Variants in FKBP5 observed in about 807,000 individuals in gnomAD.
The protein encoded by FKBP5 is peptidyl-prolyl cis-trans isomerase FKBP5.
A neutral mutation model predicts 50.5 loss-of-function variants in FKBP5; 23 were observed. The observed-to-expected ratio is 0.46, with a 90% CI of 0.33 to 0.65. The LOEUF is 0.65. Among genes scored for constraint, FKBP5 ranks in the 30% least tolerant of loss-of-function variants. FKBP5 has a pLI of 0.02. For synonymous variants in FKBP5, 176 were observed against 190.6 expected, an observed-to-expected ratio of 0.92 and a Z score of 0.63; for missense variants, 411 against 553.1, an observed-to-expected ratio of 0.74 and a Z score of 2.58.
At chr6:35,721,797 A>G (rs1201308817) in intron 1 of FKBP5, among the ~76,000 whole-genome samples, 2 of 152,196 alleles carry the variant, frequency 1.3e-5, no homozygotes, top group Non-Finnish European at 2.9e-5. Flanking sequence ...CCCAGTTGTG[A>G]TTTTGACCAA....
At chr6:35,699,533 G>A (rs1441592932) in intron 2 of FKBP5, among the ~76,000 whole-genome samples, 1 of 152,136 alleles carries the variant, frequency 6.6e-6, no homozygotes, top group Non-Finnish European at 1.5e-5. Context: ...TACACTCACT[G>A]CTCCTTAATT....
rs1000568443 is a variant in FKBP5, at chr6:35,641,944, G to C, written c.105+776C>G. On this transcript the variant is annotated intron_variant, in intron 2 of 10. Transcript: ENST00000357266. ...GGAGGCGGAGGTTGCAGTGAGCTGAGATCATACCACTGCACTCTAGCCCAG... is the reference window on the plus strand; with the variant it reads ...GGAGGCGGAGGTTGCAGTGAGCTGACATCATACCACTGCACTCTAGCCCAG... Among the ~76,000 whole-genome samples, 4 of 151,588 alleles carry C rather than the reference G, an allele frequency of 2.6e-5. No homozygotes were observed. The East Asian group carries it at 7.8e-4, about 29-fold the overall frequency.
intron 2 of FKBP5, among the ~76,000 whole-genome samples, chr6:35,709,076 G>C (rs1255514699): frequency 6.6e-6 from 1 of 152,170 alleles, no homozygotes; most frequent in South Asian, 2.1e-4. Flanking sequence ...ACATACCTGA[G>C]ACTGGGCAAG....
intron 8 of FKBP5, chr6:35,582,219 T>G: frequency 1.0e-6 from 1 of 985,402 alleles, no homozygotes; most frequent in Non-Finnish European, 1.2e-6. Flanking sequence ...CTCAGAAGTG[T>G]GTGATACAGG....
intron 1 of FKBP5, among the ~76,000 whole-genome samples, chr6:35,727,658 A>C (rs1447464160): frequency 2.0e-5 from 3 of 152,170 alleles, no homozygotes; most frequent in Admixed American, 2.0e-4. Flanking sequence ...CCCCCTCAAC[A>C]CGGGCTTCCG....
Position 35,687,804 on chromosome 6 carries a change from T to C in FKBP5, c.-20+1000A>G, listed in dbSNP as rs1377300039. 2.6e-5 allele frequency among the ~76,000 whole-genome samples: 4 copies of C among 152,182 alleles called. 1 individual carries two copies. Among genetic ancestry groups the C allele is most frequent in the African/African-American group, 4.8e-5 (2 of 41,422 alleles). ...ACTGAAGGGTATCTACAATTCTGCA[T>C]CTCCGCTTACAACTTGAAACTTACT... On this transcript the variant is annotated intron_variant, in intron 1 of 10. Transcript: ENST00000357266.
chr6:35,622,500 G>T (rs536091809), intron 3 of FKBP5, among the ~76,000 whole-genome samples: 2 of 150,360 alleles, frequency 1.3e-5, no homozygotes, highest in Non-Finnish European at 2.9e-5. Context: ...GACAGAGCGA[G>T]ACCCTGTCTC....
rs559343602 is a variant in FKBP5 at position 35,579,157 on chromosome 6, C to T, written c.1026+879G>A. Among the ~76,000 whole-genome samples, 135 of 148,354 alleles carry T rather than the reference C, an allele frequency of 9.1e-4. 2 individuals carry two copies. The highest frequency in any genetic ancestry group is 1.5e-3 in the Non-Finnish European group (104 of 67,810). On this transcript the variant is annotated intron_variant, in intron 9 of 10. Coordinates refer to ENST00000357266, the MANE Select transcript of FKBP5 (RefSeq NM_004117.4). The stretch of plus-strand genomic sequence containing the variant: ...CAAACAAAACACACACACGCGCGCG[C>T]GCACACACTCTCTCTCTCTCTCTCT...
chr6:35,655,328 T>C (rs1216482016), intron 1 of FKBP5, among the ~76,000 whole-genome samples: 1 of 152,172 alleles, frequency 6.6e-6, no homozygotes, highest in African/African-American at 2.4e-5. Flanking sequence ...TCTGTCTCCA[T>C]GGAACTTACA....
intron 2 of FKBP5, among the ~76,000 whole-genome samples, chr6:35,639,642 C>A (rs1490985951): frequency 6.6e-6 from 1 of 152,070 alleles, no homozygotes; most frequent in Admixed American, 6.6e-5. Context: ...GGTTGAGAAG[C>A]CTTCTAAAAA....
rs1161747205 is a variant in FKBP5, at chr6:35,574,858, T to C, written c.*977A>G. On this transcript the variant is annotated 3_prime_UTR_variant, in exon 11 of 11. Transcript: ENST00000357266. ...AAAAGCTGCATGGATCCTAAATGAC[T>C]ATGTAAATAGATCCACTCCAGGTCA... 2.6e-5 allele frequency: 4 copies of C among 152,558 alleles called. No individual in the cohort carries two copies. The East Asian group carries it at 7.7e-4, about 29-fold the overall frequency. 9.5% of individuals were successfully genotyped at this position (152,558 alleles called of 1,614,324 possible). A position where few individuals can be genotyped will look rare whatever the true frequency, so the allele number is the denominator to read the frequency against.
At chr6:35,642,634 T>C in intron 2 of FKBP5, 86 bp downstream of exon 2, 1 of 979,826 alleles carries the variant, frequency 1.0e-6, no homozygotes, top group Non-Finnish European at 1.6e-6. Flanking sequence ...ATAAACATTA[T>C]CCACCCCAGC....
At chr6:35,683,456 G>A (rs903231481) in intron 1 of FKBP5, among the ~76,000 whole-genome samples, 4 of 150,924 alleles carry the variant, frequency 2.7e-5, no homozygotes, top group African/African-American at 9.7e-5. Context: ...CATCATGCCT[G>A]GTATATATAT....
At chr6:35,723,659 A>C (rs114304008) in intron 1 of FKBP5, among the ~76,000 whole-genome samples, 4,324 of 152,342 alleles carry the variant, frequency 0.028, 80 homozygotes, top group East Asian at 0.046. Flanking sequence ...AGAAAGAAGA[A>C]GGTCAGAAAG....
chr6:35,587,214 C>T (rs1762628379), intron 7 of FKBP5, 97 bp from the exon 8 acceptor site: 1 of 1,095,794 alleles, frequency 9.1e-7, no homozygotes, highest in African/African-American at 1.5e-5. Flanking sequence ...GAAGATACTC[C>T]AAACTGAAAA....
At chr6:35,705,801 T>C (rs1766303311) in intron 2 of FKBP5, among the ~76,000 whole-genome samples, 1 of 152,022 alleles carries the variant, frequency 6.6e-6, no homozygotes, top group African/African-American at 2.4e-5. Context: ...AAGATGAAAC[T>C]ATAAAGATAA....
At chr6:35,652,879 G>A (rs1413663607) in intron 1 of FKBP5, among the ~76,000 whole-genome samples, 1 of 152,126 alleles carries the variant, frequency 6.6e-6, no homozygotes, top group Non-Finnish European at 1.5e-5. Context: ...CTACCAATGT[G>A]TGATGTCTCC....
At chr6:35,584,234 T>C (rs769503173) in intron 8 of FKBP5, 98 of 985,426 alleles carry the variant, frequency 9.9e-5, no homozygotes, top group Non-Finnish European at 1.2e-4. Context: ...GAGTTCTCTA[T>C]TTTTCTTCTC....
chr6:35,629,130 T>C (rs1162452702), intron 3 of FKBP5, among the ~76,000 whole-genome samples: 1 of 150,648 alleles, frequency 6.6e-6, no homozygotes, highest in Non-Finnish European at 1.5e-5. Flanking sequence ...TTTGAGTCAG[T>C]GTCTCGCTCT....
Sources: gnomAD v4.1 joint callset for allele counts (sites outside exome capture counted in the v4.1 genomes callset) on GRCh38, gnomAD v4.1.1 for gene constraint, MANE v1.5 for transcripts, NCBI Gene and HGNC (gene_info 2026-07-23, HGNC 2026-07-21) for gene names.